DROSHA: variants seen among roughly 807,000 people sequenced by gnomAD.
DROSHA encodes ribonuclease 3.
Under a neutral mutation model 181.9 loss-of-function variants are expected in DROSHA, and 56 were observed. The ratio of observed to expected loss-of-function variants is 0.31; its 90% CI spans 0.25 to 0.38. The LOEUF is 0.38. Among genes scored for constraint, DROSHA ranks in the 10% least tolerant of loss-of-function variants. DROSHA has a pLI of 1.00. For missense variants in DROSHA, 1,218 were observed against 1,743.5 expected (o/e 0.70, Z 5.37); for synonymous variants, 524 against 591.2 (o/e 0.89, Z 1.65).
chr5:31,473,003 T>G (rs1057275367), intron 16 of DROSHA, among the ~76,000 whole-genome samples: 14 of 152,260 alleles, frequency 9.2e-5, no homozygotes, highest in African/African-American at 3.1e-4. Context: ...CTCTTTGGAC[T>G]TAACTTCTGG....
intron 5 of DROSHA, among the ~76,000 whole-genome samples, chr5:31,523,219 G>C (rs1180129348): frequency 6.6e-6 from 1 of 152,142 alleles, no homozygotes; most frequent in African/African-American, 2.4e-5. Flanking sequence ...ATCCCAAAGG[G>C]AGCCAATTAT....
At position 31,515,063 on chromosome 5, in the gene DROSHA, T is replaced by A. The variant is rs1739123484; in HGVS notation, c.1215A>T (p.Glu405Asp). The A allele has an allele frequency of 1.9e-6, 3 of 1,613,916 alleles. No homozygotes were observed. The South Asian group carries it at 3.3e-5, about 18-fold the overall frequency. Reference protein sequence around the residue: ...TMPDKNEEEEEELLKPVWIRC... With the variant: ...TMPDKNEEEEDELLKPVWIRC... ...GAATCCACACAGGCTTAAGAAGTTC[T>A]TCTTCTTCCTCCTCATTCTTGTCAG... Residue 405 changes from glutamate to aspartate, a missense_variant, in exon 8 of 36, where the codon GAA becomes GAT. Transcript: ENST00000344624.
chr5:31,410,815 C>T lies in DROSHA; in HGVS notation c.3598G>A (p.Ala1200Thr), dbSNP rs1396439517. The change falls in exon 31 of 36, where the codon GCC (alanine) becomes ACC (threonine). Residue 1200 changes from alanine to threonine, a missense_variant. Coordinates refer to ENST00000344624, the MANE Select transcript of DROSHA (RefSeq NM_001382508.1). ...CTCTTGGTCTTGTCGTTGGTTATGG[C>T]GTACTCCTGCATGCCCAGCTCCTCC... ...VAEELGMQEY[A>T]ITNDKTKRPV... 12 of 1,613,976 alleles carry T rather than the reference C, an allele frequency of 7.4e-6. No homozygotes were observed. Among genetic ancestry groups the T allele is most frequent in the Middle Eastern group, 1.6e-4 (1 of 6,062 alleles).
intron 16 of DROSHA, among the ~76,000 whole-genome samples, chr5:31,480,919 G>A (rs1240051769): frequency 3.3e-5 from 5 of 152,102 alleles, no homozygotes; most frequent in African/African-American, 1.2e-4. Flanking sequence ...ATTTTTCATG[G>A]CAGCACAAAC....
Position 31,435,800 on chromosome 5 carries a change from T to A in DROSHA, c.3007A>T (p.Ile1003Phe), listed in dbSNP as rs754704305. 6.2e-7 allele frequency: 1 copy of A among 1,613,730 alleles called. No homozygotes were observed. Among genetic ancestry groups the A allele is most frequent in the African/African-American group, 1.3e-5 (1 of 74,890 alleles). The change falls in exon 25 of 36, where the codon ATT becomes TTT. Residue 1003 changes from isoleucine to phenylalanine, a missense_variant. By Grantham distance (21) the Ile-to-Phe change is conservative. Transcript: ENST00000344624. ...EGGLATYRTA[I>F]VQNQHLAMLA... ...ATGGCAAGGTGCTGATTCTGAACAATGGCAGTCCGATAGGTTGCTAATCCT... is the reference window on the plus strand; with the variant it reads ...ATGGCAAGGTGCTGATTCTGAACAAAGGCAGTCCGATAGGTTGCTAATCCT...
chr5:31,529,684 G>T (rs556466140), intron 3 of DROSHA, among the ~76,000 whole-genome samples: 12 of 148,270 alleles, frequency 8.1e-5, no homozygotes, highest in Non-Finnish European at 1.3e-4. Context: ...GCAGTGAGCC[G>T]AGATGGCGCC....
chr5:31,524,187 G>A (rs984304418), intron 5 of DROSHA, among the ~76,000 whole-genome samples: 1 of 152,150 alleles, frequency 6.6e-6, no homozygotes, highest in Non-Finnish European at 1.5e-5. Flanking sequence ...CCACCAGGGA[G>A]AGGCAACAAA....
At chr5:31,489,965 G>A (rs969161862) in intron 13 of DROSHA, among the ~76,000 whole-genome samples, 2 of 151,992 alleles carry the variant, frequency 1.3e-5, no homozygotes, top group African/African-American at 2.4e-5. Flanking sequence ...TGCAAACTCC[G>A]CCTCTTGGGT....
At chr5:31,501,672 G>A (rs142818553) in intron 11 of DROSHA, among the ~76,000 whole-genome samples, 12 of 152,212 alleles carry the variant, frequency 7.9e-5, no homozygotes, top group East Asian at 1.9e-4. Flanking sequence ...TGTAGCTGCC[G>A]GGCCAGGTGT....
chr5:31,518,311 T>C (rs1422598148), intron 6 of DROSHA, among the ~76,000 whole-genome samples: 1 of 152,360 alleles, frequency 6.6e-6, no homozygotes, highest in Middle Eastern at 3.4e-3. Context: ...GGTACGTGAC[T>C]ATATTGTGAA....
At position 31,446,425 on chromosome 5, in the gene DROSHA, C is replaced by T. The variant is rs552606005; in HGVS notation, c.2882+2122G>A. On this transcript the variant is annotated intron_variant, in intron 23 of 35. Coordinates refer to ENST00000344624, the MANE Select transcript of DROSHA (RefSeq NM_001382508.1). ...TCGTACCACTGCACTCCAGCCTGGG[C>T]GACAGAGCGAGACTCTGTCTCAAAA... Among the ~76,000 whole-genome samples the T allele has an allele frequency of 1.8e-3, 215 of 118,222 alleles. 1 individual carries two copies. Among genetic ancestry groups the T allele is most frequent in the Non-Finnish European group, 2.9e-3 (180 of 62,268 alleles). 77.6% of individuals were successfully genotyped at this position (118,222 alleles called of 152,430 possible).
chr5:31,504,359 A>G (rs1737660125), intron 11 of DROSHA, among the ~76,000 whole-genome samples, 196 bp downstream of exon 11: 1 of 152,194 alleles, frequency 6.6e-6, no homozygotes, highest in African/African-American at 2.4e-5. Flanking sequence ...ACTTTTGTTA[A>G]AGTTTCCTTG....
chr5:31,501,114 T>C (rs1174071660), intron 11 of DROSHA, among the ~76,000 whole-genome samples: 1 of 152,204 alleles, frequency 6.6e-6, no homozygotes, highest in African/African-American at 2.4e-5. Context: ...AAGGGGCTTA[T>C]GGCCATTTAC....
At chr5:31,481,722 C>A (rs1751053145) in intron 16 of DROSHA, among the ~76,000 whole-genome samples, 1 of 152,134 alleles carries the variant, frequency 6.6e-6, no homozygotes, top group Admixed American at 6.5e-5. Flanking sequence ...ACTGCCTGGA[C>A]TGAGGAAAGA....
In DROSHA at chr5:31,494,109, C is replaced by T. The variant is rs370131982; in HGVS notation, c.1756-816G>A. ...TCAGCCTCCTAAGTAGCTGGGATTACAGGCGTGCACCACTATGCCAGGCTA... is the reference window on the plus strand; with the variant it reads ...TCAGCCTCCTAAGTAGCTGGGATTATAGGCGTGCACCACTATGCCAGGCTA... On this transcript the variant is annotated intron_variant, in intron 12 of 35. Transcript: ENST00000344624. Among the ~76,000 whole-genome samples, 94 of 152,190 alleles carry T rather than the reference C, an allele frequency of 6.2e-4. 1 individual carries two copies. The South Asian group carries it at 0.017, about 28-fold the overall frequency.
chr5:31,435,641 G>T, intron 25 of DROSHA, 124 bp downstream of exon 25: 3 of 826,240 alleles, frequency 3.6e-6, no homozygotes, highest in Admixed American at 3.0e-5. Flanking sequence ...AATACTTCCT[G>T]GTCTGTAAAA....
At chr5:31,506,284 A>G (rs1737934153) in intron 10 of DROSHA, among the ~76,000 whole-genome samples, 1 of 151,084 alleles carries the variant, frequency 6.6e-6, no homozygotes, top group Non-Finnish European at 1.5e-5. Context: ...AATTGCTTGA[A>G]CCAGATATGC....
At chr5:31,438,287 A>G (rs921079526) in intron 23 of DROSHA, among the ~76,000 whole-genome samples, 2 of 152,202 alleles carry the variant, frequency 1.3e-5, no homozygotes, top group African/African-American at 4.8e-5. Context: ...GCTGCTGTGT[A>G]GACACTGAGT....
intron 16 of DROSHA, among the ~76,000 whole-genome samples, chr5:31,474,937 GTCTAAGCCACCAA>G (rs1375292176): frequency 6.6e-6 from 1 of 152,198 alleles, no homozygotes. Flanking sequence ...AGTGTTTGTT[GTCTAAGCCACCAA>G]TCTATAATGT....
Sources: gnomAD v4.1 joint callset for allele counts (sites outside exome capture counted in the v4.1 genomes callset) on GRCh38, gnomAD v4.1.1 for gene constraint, MANE v1.5 for transcripts, NCBI Gene and HGNC (gene_info 2026-07-23, HGNC 2026-07-21) for gene names.